The following REEP1 variants were observed in gnomAD, a reference collection of about 807,000 sequenced individuals.
REEP1 encodes the protein receptor expression-enhancing protein 1.
REEP1 carries 22 observed loss-of-function variants against 40.3 expected under a neutral mutation model. That is an observed-to-expected ratio of 0.55 (90% CI 0.39 to 0.78). REEP1 has a LOEUF of 0.78. REEP1 is among the 30% of genes least tolerant of loss of function. The probability of loss-of-function intolerance (pLI) is 0.00; values close to 1 mark genes in which losing one functional copy is unlikely to be tolerated. For synonymous variants in REEP1, 116 were observed against 139.2 expected (o/e 0.83, Z 1.17); for missense variants, 280 against 361.1 (o/e 0.78, Z 1.82).
chr2:86,326,478 C>A (rs773513319), intron 1 of REEP1, among the ~76,000 whole-genome samples: 2 of 152,024 alleles, frequency 1.3e-5, no homozygotes, highest in Non-Finnish European at 2.9e-5. Context: ...TTTGGGGTGC[C>A]AAGGCGGGCA....
At chr2:86,314,678 C>CTT (rs1221057326) in intron 1 of REEP1, among the ~76,000 whole-genome samples, 1 of 145,504 alleles carries the variant, frequency 6.9e-6, no homozygotes, top group African/African-American at 2.5e-5. Flanking sequence ...GCAGTTTTTT[C>CTT]TTTTTTTTTT....
chr2:86,267,953 T>TAA (rs563171875), intron 2 of REEP1, among the ~76,000 whole-genome samples: 5 of 145,014 alleles, frequency 3.4e-5, no homozygotes, highest in African/African-American at 1.0e-4. Flanking sequence ...ATTTGTGACT[T>TAA]AAAAAAAAAA....
At chr2:86,282,078 T>A (rs1641237042) in intron 2 of REEP1, 92 bp downstream of exon 2, 3 of 846,718 alleles carry the variant, frequency 3.5e-6, no homozygotes, top group Non-Finnish European at 6.2e-6. Context: ...CTGCTTCCAG[T>A]GCCCATAGCA....
At chr2:86,286,820 C>T (rs769222143) in intron 1 of REEP1, among the ~76,000 whole-genome samples, 1 of 152,196 alleles carries the variant, frequency 6.6e-6, no homozygotes, top group Admixed American at 6.5e-5. Flanking sequence ...TTTCCACAGT[C>T]TTCTCAGGCA....
chr2:86,315,861 C>G (rs1161763955), intron 1 of REEP1, among the ~76,000 whole-genome samples: 3 of 152,144 alleles, frequency 2.0e-5, no homozygotes, highest in Non-Finnish European at 4.4e-5. Context: ...TAGGGAGTGG[C>G]TCAATGACAA....
Position 86,219,577 on chromosome 2 carries a change from C to T in REEP1, c.783+393G>A, listed in dbSNP as rs145045732. Among the ~76,000 whole-genome samples, 927 of 151,868 alleles carry T rather than the reference C, an allele frequency of 6.1e-3. 10 individuals are homozygous for T. The highest frequency in any genetic ancestry group is 0.022 in the African/African-American group (891 of 41,392). ...TCTCCTGCCTCAGTTTCCCAAGCAG[C>T]TGGGACTACAGGTGCGCGCCACTAC... On this transcript the variant is annotated intron_variant, in intron 8 of 8. Coordinates refer to ENST00000538924, the MANE Select transcript of REEP1 (RefSeq NM_001371279.1).
chr2:86,230,890 G>T (rs1384834701), intron 6 of REEP1, among the ~76,000 whole-genome samples: 1 of 152,168 alleles, frequency 6.6e-6, no homozygotes, highest in Non-Finnish European at 1.5e-5. Flanking sequence ...ACTGAATTGA[G>T]GCCCCTTTTC....
intron 5 of REEP1, among the ~76,000 whole-genome samples, chr2:86,250,360 G>C (rs1044386082): frequency 6.6e-6 from 1 of 152,220 alleles, no homozygotes; most frequent in African/African-American, 2.4e-5. Context: ...GAGAGGCTGA[G>C]ACAGGGTTTC....
chr2:86,224,183 AT>A (rs1674573792), intron 7 of REEP1, among the ~76,000 whole-genome samples: 1 of 152,130 alleles, frequency 6.6e-6, no homozygotes, highest in Admixed American at 6.5e-5. Context: ...CTCCTAGAAA[AT>A]GTTCCTGTCT....
chr2:86,281,228 T>C lies in REEP1; in HGVS notation c.105+942A>G, dbSNP rs140311116. On this transcript the variant is annotated intron_variant, in intron 2 of 8. Coordinates refer to ENST00000538924, the MANE Select transcript of REEP1 (RefSeq NM_001371279.1). The stretch of plus-strand genomic sequence containing the variant: ...TGAAGGTGCCCAACACATTCAGAAC[T>C]GGTGACTAGGGCACCCAGATCATCC... Among the ~76,000 whole-genome samples the C allele has an allele frequency of 4.2e-3, 639 of 152,324 alleles. 4 individuals carry two copies. Among genetic ancestry groups the C allele is most frequent in the African/African-American group, 0.014 (594 of 41,572 alleles).
intron 1 of REEP1, among the ~76,000 whole-genome samples, chr2:86,291,985 G>A (rs757704683): frequency 2.2e-4 from 34 of 152,290 alleles, no homozygotes; most frequent in Non-Finnish European, 4.7e-4. Context: ...AACCACAAAT[G>A]TCTGCCTAAA....
At chr2:86,230,165 C>T (rs544743397) in intron 6 of REEP1, among the ~76,000 whole-genome samples, 1 of 152,236 alleles carries the variant, frequency 6.6e-6, no homozygotes, top group Non-Finnish European at 1.5e-5. Flanking sequence ...ATCACCTCTG[C>T]TCATGGAGAG....
Position 86,270,000 on chromosome 2 carries a change from C to A in REEP1, c.106-5959G>T, listed in dbSNP as rs143899455. ...AACTCAACAATAAGAAAACAAACAACCCAATTAAAAAATGGGCAAAAGATC... is the reference window on the plus strand; with the variant it reads ...AACTCAACAATAAGAAAACAAACAAACCAATTAAAAAATGGGCAAAAGATC... On this transcript the variant is annotated intron_variant, in intron 2 of 8. Coordinates refer to ENST00000538924, the MANE Select transcript of REEP1 (RefSeq NM_001371279.1). Among the ~76,000 whole-genome samples, 299 of 152,066 alleles carry A rather than the reference C, an allele frequency of 2.0e-3. 4 individuals are homozygous for A. Among genetic ancestry groups the A allele is most frequent in the African/African-American group, 6.9e-3 (288 of 41,494 alleles).
chr2:86,275,967 C>T (rs925542754), intron 2 of REEP1, among the ~76,000 whole-genome samples: 1 of 152,162 alleles, frequency 6.6e-6, no homozygotes, highest in Non-Finnish European at 1.5e-5. Context: ...TGGCCCAACG[C>T]TTATGCTCAC....
chr2:86,291,530 C>T (rs1033708392), intron 1 of REEP1, among the ~76,000 whole-genome samples: 15 of 152,116 alleles, frequency 9.9e-5, no homozygotes, highest in African/African-American at 3.6e-4. Context: ...AGAGTGAACA[C>T]ATACACAACT....
intron 1 of REEP1, among the ~76,000 whole-genome samples, chr2:86,313,019 T>C (rs1679830877): frequency 6.6e-6 from 1 of 152,176 alleles, no homozygotes; most frequent in Admixed American, 6.5e-5. Flanking sequence ...TCTTTTTTAG[T>C]GTGAACAGCC....
chr2:86,293,577 C>T (rs1201285828), intron 1 of REEP1, among the ~76,000 whole-genome samples: 1 of 152,194 alleles, frequency 6.6e-6, no homozygotes, highest in East Asian at 1.9e-4. Context: ...GTGAATTTCA[C>T]TGTGTGCAAA....
At chr2:86,271,315 C>T (rs1677434143) in intron 2 of REEP1, among the ~76,000 whole-genome samples, 1 of 141,554 alleles carries the variant, frequency 7.1e-6, no homozygotes, top group Admixed American at 7.0e-5. Flanking sequence ...AGTAAAACTG[C>T]TTAAAAAAAA....
At chr2:86,316,979 T>C (rs1427253082) in intron 1 of REEP1, among the ~76,000 whole-genome samples, 2 of 152,204 alleles carry the variant, frequency 1.3e-5, no homozygotes, top group Non-Finnish European at 2.9e-5. Context: ...AAATTGTAAA[T>C]CTTTTACCAA....
Sources: gnomAD v4.1 joint callset for allele counts (sites outside exome capture counted in the v4.1 genomes callset) on GRCh38, gnomAD v4.1.1 for gene constraint, MANE v1.5 for transcripts, NCBI Gene and HGNC (gene_info 2026-07-23, HGNC 2026-07-21) for gene names.